Variants in SLC4A2 observed in about 807,000 individuals in gnomAD.
SLC4A2 encodes solute carrier family 4 member 2.
A neutral mutation model predicts 115.0 loss-of-function variants in SLC4A2; 36 were observed. That is an observed-to-expected ratio of 0.31 (90% CI 0.24 to 0.41). The LOEUF (loss-of-function observed/expected upper bound fraction) is 0.41, where lower values mean the gene tolerates loss of function less well. SLC4A2 is among the 10% of genes least tolerant of loss of function. The pLI, the probability that SLC4A2 is intolerant of heterozygous loss-of-function variation, is 1.00. For synonymous variants in SLC4A2, 708 were observed against 708.3 expected (o/e 1.00, Z 0.01); for missense variants, 1,252 against 1,705.6 (o/e 0.73, Z 4.68).
intron 16 of SLC4A2, among the ~76,000 whole-genome samples, chr7:151,073,320 T>C (rs1451378795): frequency 2.0e-5 from 3 of 151,894 alleles, no homozygotes; most frequent in South Asian, 2.1e-4. Context: ...AGAGTCTTGC[T>C]CTGTTGCCTA....
rs1321605671 is a variant in SLC4A2 at position 151,074,122 on chromosome 7, G to A, written c.2619G>A (p.Gly873=). ...GCGGTGAGAACATGACATGGGCCGG[G>A]GCAAGACCCACGCTGGGGCCGGGCA... is the stretch of plus-strand genomic sequence containing the variant. ...VDGGENMTWA[G]ARPTLGPGNR... is the part of the protein sequence containing the mutation. Residue 873 remains glycine (G), a synonymous_variant, in exon 17 of 23, where the codon GGG becomes GGA. Coordinates refer to ENST00000413384, the MANE Select transcript of SLC4A2 (RefSeq NM_003040.4). 1.2e-5 allele frequency: 20 copies of A among 1,612,258 alleles called. No individual in the cohort carries two copies. The Admixed American group carries it at 3.2e-4, about 26-fold the overall frequency.
At chr7:151,069,159 A>AAAAAAAAAAAAAAG (rs1554451788) in intron 8 of SLC4A2, among the ~76,000 whole-genome samples, 60 of 148,030 alleles carry the variant, frequency 4.1e-4, no homozygotes, top group African/African-American at 1.4e-3. Context: ...AAAAAAAAAA[A>AAAAAAAAAAAAAAG]GCAGCTGAGG....
At position 151,075,721 on chromosome 7, in the gene SLC4A2, G is replaced by A; in HGVS notation, c.3417G>A (p.Leu1139=). Residue 1139 remains leucine, a synonymous_variant, in exon 21 of 23, where the codon CTG becomes CTA. Transcript: ENST00000413384. ...SLNGIQFYER[L]HLLLMPPKHH... is the part of the protein sequence containing the mutation. ...ACGGGATCCAGTTCTATGAGCGGCT[G>A]CATCTGCTGCTCATGCCGCCCAAAC... 1 of 1,611,092 alleles carries A rather than the reference G, an allele frequency of 6.2e-7. No individual in the cohort carries two copies.
chr7:151,069,359 C>A (rs1797350619), intron 8 of SLC4A2, among the ~76,000 whole-genome samples: 1 of 152,014 alleles, frequency 6.6e-6, no homozygotes, highest in Non-Finnish European at 1.5e-5. Flanking sequence ...GTTGGCCTTG[C>A]CAGATGAATG....
Position 151,071,629 on chromosome 7 carries a change from G to A in SLC4A2, c.2191+24G>A. On this transcript the variant is annotated intron_variant, in intron 14 of 22. Coordinates refer to ENST00000413384, the MANE Select transcript of SLC4A2 (RefSeq NM_003040.4). This position sits in a 1 kb window ranked among gnomAD's most constrained non-coding sequence, Gnocchi z 5.5. ...GGGTGAGGAGAGCCTTCAGGTAGGG[G>A]GCGGCGGGGACTGCCCAGGGCCTGG... 1 of 1,613,526 alleles carries A rather than the reference G, an allele frequency of 6.2e-7. No individual in the cohort carries two copies. The highest frequency in any genetic ancestry group is 8.5e-7 in the Non-Finnish European group (1 of 1,179,872).
intron 5 of SLC4A2, among the ~76,000 whole-genome samples, chr7:151,065,656 T>A (rs1488692804): frequency 6.6e-6 from 1 of 152,184 alleles, no homozygotes; most frequent in Non-Finnish European, 1.5e-5. Flanking sequence ...TTGTCCCCTC[T>A]GGGAGCGCAT....
intron 7 of SLC4A2, among the ~76,000 whole-genome samples, chr7:151,067,603 T>G (rs1797278676): frequency 6.6e-6 from 1 of 152,252 alleles, no homozygotes. Context: ...CTGAGGCACG[T>G]AGCGTGCCAT....
upstream of SLC4A2, chr7:151,058,886 C>T (rs1796962909): frequency 6.6e-6 from 1 of 152,268 alleles, no homozygotes; most frequent in South Asian, 2.1e-4. Context: ...AACAGCACTC[C>T]TCAGCACCGG....
chr7:151,067,340 C>T (rs1797269842), intron 7 of SLC4A2, among the ~76,000 whole-genome samples: 1 of 152,238 alleles, frequency 6.6e-6, no homozygotes, highest in Non-Finnish European at 1.5e-5. Flanking sequence ...CCCGCCTCGG[C>T]CTCCCAAAGT....
chr7:151,063,683 G>A (rs938923114), intron 2 of SLC4A2, among the ~76,000 whole-genome samples: 1 of 151,908 alleles, frequency 6.6e-6, no homozygotes, highest in African/African-American at 2.4e-5. Flanking sequence ...CTGCATTTGA[G>A]GGGGCAGACT....
In SLC4A2 at chr7:151,074,677, G is replaced by A. The variant is rs151246307; in HGVS notation, c.2883G>A (p.Lys961=). The A allele has an allele frequency of 4.4e-6, 7 of 1,596,448 alleles. No homozygotes were observed. Among genetic ancestry groups the A allele is most frequent in the African/African-American group, 1.4e-5 (1 of 73,848 alleles). The change falls in exon 19 of 23, where the codon AAG becomes AAA. Residue 961 remains lysine (K), a splice_region_variant and synonymous_variant. Coordinates refer to ENST00000413384, the MANE Select transcript of SLC4A2 (RefSeq NM_003040.4). ...DYSIEDTYTQ[K]LSVPSGFSVT... ...CCTACACTGTGTCTGCCCTGCAGAA[G>A]CTGAGCGTTCCCAGTGGATTCTCGG...
chr7:151,062,566 C>G lies in SLC4A2; in HGVS notation c.51+528C>G, dbSNP rs1334080824. The G allele has an allele frequency of 2.1e-6, 3 of 1,452,722 alleles. No individual in the cohort carries two copies. In the East Asian group the frequency reaches 8.0e-5, roughly 39 times the overall value. 90.0% of individuals were successfully genotyped at this position (1,452,722 alleles called of 1,614,324 possible). The stretch of plus-strand genomic sequence containing the variant: ...AGCTCCGCTATTGGTCACACTGGCC[C>G]AGAGGGGCACGTGACTGGGAAGGGG... On this transcript the variant is annotated intron_variant, in intron 2 of 22. Transcript: ENST00000413384.
Position 151,071,280 on chromosome 7 carries a change from A to T in SLC4A2, c.1958A>T (p.Lys653Ile). 2 of 1,557,022 alleles carry T rather than the reference A, an allele frequency of 1.3e-6. No individual in the cohort carries two copies. Among genetic ancestry groups the T allele is most frequent in the Non-Finnish European group, 1.7e-6 (2 of 1,152,024 alleles). The change falls in exon 13 of 23, where the codon AAA becomes ATA. Residue 653 changes from lysine to isoleucine, a missense_variant. This residue lies in a region of SLC4A2 where 122 missense variants were observed against 116.8 expected (regional missense o/e 1.04). Transcript: ENST00000413384. This position sits in a 1 kb window ranked among gnomAD's most constrained non-coding sequence, Gnocchi z 5.5. ...CCTACAGGGGCTGGGCTGGAGCCCA[A>T]ATCTGCCCAAGATAAGGGTACGGCC... ...LLPTGAGLEP[K>I]SAQDKALLQM...
chr7:151,066,368 C>G, intron 5 of SLC4A2, 149 bp from the exon 6 acceptor site: 1 of 931,160 alleles, frequency 1.1e-6, no homozygotes, highest in Non-Finnish European at 1.6e-6. Flanking sequence ...CAGAATCCTC[C>G]CCCTCCCCGT....
At chr7:151,074,320 G>A in intron 17 of SLC4A2, 27 bp downstream of exon 17, 1 of 1,609,536 alleles carries the variant, frequency 6.2e-7, no homozygotes, top group Non-Finnish European at 8.5e-7. Context: ...GCCAAGAGGG[G>A]GTTAGGGGCA....
Position 151,070,076 on chromosome 7 carries a change from A to G in SLC4A2, c.1277A>G (p.Lys426Arg). Residue 426 changes from lysine to arginine, a missense_variant, in exon 9 of 23, where the codon AAA becomes AGA. By Grantham distance (26) the Lys-to-Arg change is conservative. Coordinates refer to ENST00000413384, the MANE Select transcript of SLC4A2 (RefSeq NM_003040.4). ...AACGTGCTGCGGGCTCTGCTGTTGAAACACAGGTGAGGCCCTGTGGGCCAG... is the reference window on the plus strand; with the variant it reads ...AACGTGCTGCGGGCTCTGCTGTTGAGACACAGGTGAGGCCCTGTGGGCCAG... ...RANVLRALLL[K>R]HSHPSDEKDF... 6.2e-7 allele frequency: 1 copy of G among 1,613,974 alleles called. No homozygotes were observed. Among genetic ancestry groups the G allele is most frequent in the East Asian group, 2.2e-5 (1 of 44,876 alleles).
chr7:151,061,895 C>G, intron 1 of SLC4A2, 30 bp from the exon 2 acceptor site: 3 of 1,203,736 alleles, frequency 2.5e-6, no homozygotes, highest in African/African-American at 1.5e-5. Context: ...CCAGGGCTCT[C>G]GATGGTGATC....
chr7:151,062,142 T>C (rs55843828), intron 2 of SLC4A2, 104 bp downstream of exon 2: 34 of 192,772 alleles, frequency 1.8e-4, no homozygotes, highest in Non-Finnish European at 2.9e-4. Context: ...CGTGTGTGAG[T>C]GTGGAGACTG....
rs1235677631 is a variant in SLC4A2 at position 151,061,983 on chromosome 7, C to A, written c.-5C>A. 6.2e-7 allele frequency: 1 copy of A among 1,609,788 alleles called. No homozygotes were observed. The highest frequency in any genetic ancestry group is 1.1e-5 in the South Asian group (1 of 90,864). The stretch of plus-strand genomic sequence containing the variant: ...AGCGACAGCGAAAAGGGCTAAGATT[C>A]GGCCATGAGCAGCGCCCCTCGGCGC... On this transcript the variant is annotated 5_prime_UTR_variant, in exon 2 of 23. Transcript: ENST00000413384.
Sources: allele counts gnomAD v4.1 joint callset (sites outside exome capture counted in the v4.1 genomes callset), GRCh38; gene constraint gnomAD v4.1.1; regional missense constraint gnomAD v4.1.1; non-coding constraint Gnocchi (gnomAD v3.1); transcripts MANE v1.5; gene names NCBI Gene and HGNC (gene_info 2026-07-23, HGNC 2026-07-21).